Variants in PKIB observed in about 807,000 individuals in gnomAD.
The protein encoded by PKIB is PKI-beta.
PKIB carries 2 observed loss-of-function variants against 4.5 expected under a neutral mutation model. The observed-to-expected ratio is 0.44, with a 90% CI of 0.18 to 1.39. The LOEUF is 1.39. Among genes scored for constraint, PKIB ranks in the 40% most tolerant of loss-of-function variants. The pLI is 0.27. For synonymous variants in PKIB, 38 were observed against 36.0 expected, an observed-to-expected ratio of 1.06 and a Z score of -0.20; for missense variants, 94 against 92.6, an observed-to-expected ratio of 1.02 and a Z score of -0.06.
chr6:122,529,509 C>T (rs1259522264), intron 2 of PKIB, among the ~76,000 whole-genome samples: 1 of 152,086 alleles, frequency 6.6e-6, no homozygotes, highest in Non-Finnish European at 1.5e-5. Context: ...TTTACCTTTA[C>T]GAGAGTACCT....
At chr6:122,573,521 CA>C (rs61014475) in intron 2 of PKIB, among the ~76,000 whole-genome samples, 34,664 of 86,770 alleles carry the variant, frequency 0.4, 2,979 homozygotes, top group Middle Eastern at 0.45. Context: ...GACTCTGTCT[CA>C]AAAAAAAAAA....
intron 1 of PKIB, among the ~76,000 whole-genome samples, chr6:122,628,279 C>T (rs569849630): frequency 5.3e-5 from 8 of 152,268 alleles, no homozygotes; most frequent in South Asian, 2.1e-4. Context: ...TCAGGTGATC[C>T]GCCTACCTCG....
Position 122,662,939 on chromosome 6 carries a change from T to A in PKIB, c.-75-12139T>A, listed in dbSNP as rs576295485. ...AATAAATTATGTAGGTTTAGTTTAGTGGCTCAATTCCTTAGGTCTATTTCT... is the reference window on the plus strand; with the variant it reads ...AATAAATTATGTAGGTTTAGTTTAGAGGCTCAATTCCTTAGGTCTATTTCT... On this transcript the variant is annotated intron_variant, in intron 2 of 4. Coordinates refer to ENST00000368452, the MANE Select transcript of PKIB (RefSeq NM_181795.3). Among the ~76,000 whole-genome samples, 4 of 152,332 alleles carry A rather than the reference T, an allele frequency of 2.6e-5. No homozygotes were observed. The East Asian group carries it at 5.8e-4, about 22-fold the overall frequency.
intron 2 of PKIB, among the ~76,000 whole-genome samples, chr6:122,494,531 G>T (rs1483359811): frequency 6.6e-6 from 1 of 152,176 alleles, no homozygotes; most frequent in Non-Finnish European, 1.5e-5. Flanking sequence ...GGAAATACTG[G>T]AAGATGATCA....
At chr6:122,617,347 A>T (rs1432181205) in intron 1 of PKIB, among the ~76,000 whole-genome samples, 1 of 152,194 alleles carries the variant, frequency 6.6e-6, no homozygotes, top group Non-Finnish European at 1.5e-5. Flanking sequence ...AGTGAGGAAT[A>T]CTTTTCTGGC....
chr6:122,587,975 C>G (rs1372540848), intron 3 of PKIB, among the ~76,000 whole-genome samples: 1 of 152,006 alleles, frequency 6.6e-6, no homozygotes, highest in Non-Finnish European at 1.5e-5. Context: ...CTGTAGGTTA[C>G]CTGTTCACTC....
rs1437332614 is a variant in PKIB at position 122,726,219 on chromosome 6, T to C, written c.*1024T>C. 1 of 152,102 alleles carries C rather than the reference T, an allele frequency of 6.6e-6. No individual in the cohort carries two copies. The highest frequency in any genetic ancestry group is 1.5e-5 in the Non-Finnish European group (1 of 67,990). 9.4% of individuals were successfully genotyped at this position (152,102 alleles called of 1,614,324 possible). A position where few individuals can be genotyped will look rare whatever the true frequency, so the allele number is the denominator to read the frequency against. ...TTTATTAGATATTTTAGAAAAATAA[T>C]AGAATTCTGAAGTTTTAAAAATGTC... On this transcript the variant is annotated 3_prime_UTR_variant, in exon 5 of 5. Coordinates refer to ENST00000368452, the MANE Select transcript of PKIB (RefSeq NM_181795.3).
At chr6:122,491,808 A>G (rs1299694950) in intron 2 of PKIB, among the ~76,000 whole-genome samples, 1 of 152,206 alleles carries the variant, frequency 6.6e-6, no homozygotes, top group Non-Finnish European at 1.5e-5. Context: ...GGGAACATTC[A>G]TTATTTCTGT....
intron 3 of PKIB, among the ~76,000 whole-genome samples, chr6:122,589,928 G>A (rs1773967452): frequency 6.6e-6 from 1 of 152,094 alleles, no homozygotes; most frequent in South Asian, 2.1e-4. Flanking sequence ...CTCTGTTAAA[G>A]TTCAGAATTT....
chr6:122,696,921 A>T (rs535663747), intron 3 of PKIB, among the ~76,000 whole-genome samples: 3 of 152,156 alleles, frequency 2.0e-5, no homozygotes, highest in Non-Finnish European at 2.9e-5. Context: ...AGGGTGTCTT[A>T]GTCACCTCCT....
chr6:122,576,689 A>AAAAAAATAT lies in PKIB; in HGVS notation c.-247-9231_-247-9230insAAAAATATA, dbSNP rs1345822382. On this transcript the variant is annotated intron_variant, in intron 2 of 6. Transcript: ENST00000392491. ...ATCTCAAAAAAAAAAAAAAAAAAAA[A>AAAAAAATAT]ATATATATATATATATATATATTTT... 2.2e-3 allele frequency among the ~76,000 whole-genome samples: 76 copies of AAAAAAATAT among 34,314 alleles called. 4 individuals are homozygous for AAAAAAATAT. The highest frequency in any genetic ancestry group is 8.4e-3 in the East Asian group (8 of 950). 22.5% of individuals were successfully genotyped at this position (34,314 alleles called of 152,430 possible).
At chr6:122,661,128 G>A (rs185155108) in intron 2 of PKIB, among the ~76,000 whole-genome samples, 1 of 151,956 alleles carries the variant, frequency 6.6e-6, no homozygotes, top group Non-Finnish European at 1.5e-5. Flanking sequence ...TTGGCATATC[G>A]CACACCGTAA....
intron 3 of PKIB, among the ~76,000 whole-genome samples, chr6:122,589,035 A>G (rs911063964): frequency 1.3e-5 from 2 of 152,158 alleles, no homozygotes; most frequent in Non-Finnish European, 2.9e-5. Context: ...CTGAGCCTTT[A>G]TGACCTAATA....
At chr6:122,550,586 A>T (rs1772648553) in intron 2 of PKIB, among the ~76,000 whole-genome samples, 1 of 152,152 alleles carries the variant, frequency 6.6e-6, no homozygotes, top group Non-Finnish European at 1.5e-5. Context: ...CACCAATATC[A>T]TTCTTATCAG....
At chr6:122,595,177 G>A (rs182988799) in intron 3 of PKIB, among the ~76,000 whole-genome samples, 32 of 152,286 alleles carry the variant, frequency 2.1e-4, no homozygotes, top group Middle Eastern at 3.4e-3. Context: ...TGCTGAATCC[G>A]TGAACTCTGG....
At chr6:122,698,785 G>A (rs867918394) in intron 3 of PKIB, among the ~76,000 whole-genome samples, 1 of 152,132 alleles carries the variant, frequency 6.6e-6, no homozygotes, top group Admixed American at 6.6e-5. Flanking sequence ...AAAAGAATAT[G>A]TTGTCTCCAG....
At chr6:122,501,397 C>T (rs1005970609) in intron 2 of PKIB, among the ~76,000 whole-genome samples, 16 of 152,206 alleles carry the variant, frequency 1.1e-4, no homozygotes, top group Non-Finnish European at 2.1e-4. Context: ...GCCACTGCAG[C>T]GGACTTCTAC....
intron 2 of PKIB, among the ~76,000 whole-genome samples, chr6:122,645,075 T>C (rs1390020706): frequency 6.6e-6 from 1 of 152,232 alleles, no homozygotes; most frequent in Non-Finnish European, 1.5e-5. Context: ...TGAATTTGAT[T>C]ATTGCTTTTC....
intron 3 of PKIB, among the ~76,000 whole-genome samples, chr6:122,605,145 T>C (rs565314764): frequency 1.3e-5 from 2 of 152,268 alleles, no homozygotes; most frequent in South Asian, 2.1e-4. Flanking sequence ...CAGGACAACA[T>C]ACTTAGTGGC....
Sources: gnomAD v4.1 joint callset for allele counts (sites outside exome capture counted in the v4.1 genomes callset) on GRCh38, gnomAD v4.1.1 for gene constraint, MANE v1.5 for transcripts, NCBI Gene and HGNC (gene_info 2026-07-23, HGNC 2026-07-21) for gene names.